Variants in PSMD5 observed in about 807,000 individuals in gnomAD.
PSMD5 encodes the protein 26S proteasome non-ATPase regulatory subunit 5.
PSMD5 carries 40 observed loss-of-function variants against 52.1 expected under a neutral mutation model. The ratio of observed to expected loss-of-function variants is 0.77; its 90% CI spans 0.60 to 1.00. PSMD5 has a LOEUF of 1.00. Ranked by LOEUF, PSMD5 falls within the 50% of genes least tolerant of loss-of-function variation. PSMD5 has a pLI of 0.00. For synonymous variants in PSMD5, 211 were observed against 226.6 expected, an observed-to-expected ratio of 0.93 and a Z score of 0.62; for missense variants, 575 against 605.2, an observed-to-expected ratio of 0.95 and a Z score of 0.52.
Position 120,842,771 on chromosome 9 carries a change from C to A in PSMD5, c.139G>T (p.Gly47Cys). The A allele has an allele frequency of 6.2e-7, 1 of 1,613,192 alleles. No homozygotes were observed. Among genetic ancestry groups the A allele is most frequent in the Admixed American group, 1.7e-5 (1 of 60,032 alleles). ...TCGTTAAGCAGGGAGAAGAGCGGGC[C>A]GAGGCGCAGCTCCGCCGCTTGCTGG... ...LRQQAAELRL[G>C]PLFSLLNENH... is the part of the protein sequence containing the mutation. The change falls in exon 1 of 10, where the codon GGC becomes TGC. Residue 47 changes from glycine (G) to cysteine (C), a missense_variant. Gly to Cys is a radical substitution (Grantham distance 159). Coordinates refer to ENST00000210313, the MANE Select transcript of PSMD5 (RefSeq NM_005047.4).
Position 120,824,616 on chromosome 9 carries a change from ATAGGATAACG to A in PSMD5, c.874_883del (p.Arg292SerfsTer9). 6.2e-7 allele frequency: 1 copy of A among 1,614,188 alleles called. No individual in the cohort carries two copies. Among genetic ancestry groups the A allele is most frequent in the Non-Finnish European group, 8.5e-7 (1 of 1,180,036 alleles). On this transcript the variant is annotated frameshift_variant, in exon 7 of 10. Transcript: ENST00000210313. LOFTEE classifies it high-confidence loss of function. Reference sequence around the variant, plus strand: ...CATTTCAAAGACTTTTTCCACAAAGATAGGATAACGCTCACAGATCTGTTGAGGACTATCC... The same window carrying A: ...CATTTCAAAGACTTTTTCCACAAAGACTCACAGATCTGTTGAGGACTATCC...
Position 120,818,122 on chromosome 9 carries a change from G to A in PSMD5, c.1299C>T (p.Asn433=). 6.2e-7 allele frequency: 1 copy of A among 1,614,066 alleles called. No homozygotes were observed. Among genetic ancestry groups the A allele is most frequent in the Non-Finnish European group, 8.5e-7 (1 of 1,179,952 alleles). Residue 433 remains asparagine, a synonymous_variant, in exon 10 of 10, where the codon AAC becomes AAT. Coordinates refer to ENST00000210313, the MANE Select transcript of PSMD5 (RefSeq NM_005047.4). Reference sequence around the variant, plus strand: ...CCACATATTCTACAAAACCTGGACTGTTAAACATAAGTTTCTGAGCCCAGG... The same window carrying A: ...CCACATATTCTACAAAACCTGGACTATTAAACATAAGTTTCTGAGCCCAGG... ...NQPWAQKLMF[N]SPGFVEYVVD... is the part of the protein sequence containing the mutation.
intron 9 of PSMD5, among the ~76,000 whole-genome samples, chr9:120,819,212 G>A (rs1414270845): frequency 6.6e-6 from 1 of 152,178 alleles, no homozygotes; most frequent in Non-Finnish European, 1.5e-5. Context: ...CCACAGACAA[G>A]TAGCATCAGC....
Position 120,829,088 on chromosome 9 carries a change from A to C in PSMD5, c.671+11T>G. 6.5e-7 allele frequency: 1 copy of C among 1,547,010 alleles called. No homozygotes were observed. The highest frequency in any genetic ancestry group is 8.7e-7 in the Non-Finnish European group (1 of 1,146,738). On this transcript the variant is annotated intron_variant, in intron 5 of 9. Transcript: ENST00000210313. ...AGAGGATATTTCACTTTAAGAACTC[A>C]GTCAACACACCTGACCAACACATCC...
intron 7 of PSMD5, 97 bp downstream of exon 7, chr9:120,824,397 G>A: frequency 8.4e-7 from 1 of 1,194,152 alleles, no homozygotes; most frequent in Non-Finnish European, 1.2e-6. Flanking sequence ...CCATAAAATA[G>A]TTTCTACAAT....
rs1422837982 is a variant in PSMD5, at chr9:120,831,823, T to C, written c.432+9A>G. The stretch of plus-strand genomic sequence containing the variant: ...TGCACATTTAAGTCAATGATTCTAG[T>C]AGACTCACCGCTTTTGCTACAGATA... On this transcript the variant is annotated intron_variant, in intron 3 of 9. Transcript: ENST00000210313. 1.2e-6 allele frequency: 2 copies of C among 1,610,870 alleles called. No individual in the cohort carries two copies. Among genetic ancestry groups the C allele is most frequent in the Admixed American group, 1.7e-5 (1 of 59,404 alleles).
At chr9:120,828,460 T>TC (rs1181523311) in intron 5 of PSMD5, among the ~76,000 whole-genome samples, 1 of 151,348 alleles carries the variant, frequency 6.6e-6, no homozygotes, top group Non-Finnish European at 1.5e-5. Flanking sequence ...TTTTTTTTTT[T>TC]TGAGACAGAG....
At chr9:120,841,258 T>C (rs1042534193) in intron 1 of PSMD5, among the ~76,000 whole-genome samples, 1 of 152,180 alleles carries the variant, frequency 6.6e-6, no homozygotes, top group Non-Finnish European at 1.5e-5. Context: ...TAGATTGATA[T>C]ACCCTGCGAT....
chr9:120,821,119 T>G, intron 8 of PSMD5, 140 bp from the exon 9 acceptor site: 1 of 1,060,554 alleles, frequency 9.4e-7, no homozygotes, highest in South Asian at 1.8e-5. Flanking sequence ...GGAGGACTCT[T>G]TCTCAAATCC....
In PSMD5 at chr9:120,817,842, G is replaced by A. The variant is rs2045053601; in HGVS notation, c.*64C>T. 6.7e-7 allele frequency: 1 copy of A among 1,481,566 alleles called. No homozygotes were observed. Among genetic ancestry groups the A allele is most frequent in the African/African-American group, 1.4e-5 (1 of 71,074 alleles). 91.8% of individuals were successfully genotyped at this position (1,481,566 alleles called of 1,614,324 possible). A position where few individuals can be genotyped will look rare whatever the true frequency, so the allele number is the denominator to read the frequency against. ...AAGTCTCTTTTGTGAAATATAGATG[G>A]AGTCAAATGCCTTAGGAGAAGTTTT... On this transcript the variant is annotated 3_prime_UTR_variant, in exon 10 of 10. Coordinates refer to ENST00000210313, the MANE Select transcript of PSMD5 (RefSeq NM_005047.4).
intron 7 of PSMD5, 164 bp downstream of exon 7, chr9:120,824,320 AGGTTTTCCGT>A: frequency 1.6e-6 from 1 of 629,600 alleles, no homozygotes. Flanking sequence ...AAAAAAAAAA[AGGTTTTCCGT>A]AATAATTATT....
At chr9:120,828,988 T>G (rs947660934) in intron 5 of PSMD5, 111 bp downstream of exon 5, 279 of 1,328,372 alleles carry the variant, frequency 2.1e-4, no homozygotes, top group Non-Finnish European at 2.4e-4. Flanking sequence ...ACATCAGTCA[T>G]GAGATTGCAA....
At chr9:120,839,348 C>A (rs1185387458) in intron 1 of PSMD5, among the ~76,000 whole-genome samples, 1 of 152,160 alleles carries the variant, frequency 6.6e-6, no homozygotes, top group Admixed American at 6.5e-5. Context: ...CACCAGCTGA[C>A]TCGAGATGTA....
At chr9:120,826,136 C>T (rs1156686963) in intron 6 of PSMD5, among the ~76,000 whole-genome samples, 6 of 151,744 alleles carry the variant, frequency 4.0e-5, no homozygotes, top group South Asian at 2.1e-4. Flanking sequence ...CTGGGACTAC[C>T]GGCACCCACC....
chr9:120,819,305 T>C (rs1337875802), intron 9 of PSMD5, among the ~76,000 whole-genome samples: 1 of 152,134 alleles, frequency 6.6e-6, no homozygotes, highest in African/African-American at 2.4e-5. Context: ...TTAATAAGAT[T>C]CCTAAGATTA....
At chr9:120,831,757 T>C in intron 3 of PSMD5, 75 bp downstream of exon 3, 2 of 1,541,428 alleles carry the variant, frequency 1.3e-6, no homozygotes, top group South Asian at 1.2e-5. Context: ...CACCTCTCAA[T>C]TCAGAAGGCC....
At position 120,842,799 on chromosome 9, in the gene PSMD5, A is replaced by G; in HGVS notation, c.111T>C (p.Leu37=). Residue 37 remains leucine (L), a synonymous_variant, in exon 1 of 10, where the codon CTT becomes CTC. Coordinates refer to ENST00000210313, the MANE Select transcript of PSMD5 (RefSeq NM_005047.4). ...SVLQAVPLNE[L]RQQAAELRLG... ...GGCGCAGCTCCGCCGCTTGCTGGCG[A>G]AGCTCGTTGAGCGGCACTGCCTGCA... 1 of 1,612,652 alleles carries G rather than the reference A, an allele frequency of 6.2e-7. No individual in the cohort carries two copies. Among genetic ancestry groups the G allele is most frequent in the Non-Finnish European group, 8.5e-7 (1 of 1,179,936 alleles).
intron 1 of PSMD5, among the ~76,000 whole-genome samples, chr9:120,835,912 T>A (rs530610277): frequency 6.6e-6 from 1 of 152,200 alleles, no homozygotes; most frequent in African/African-American, 2.4e-5. Flanking sequence ...TGGGAATAAG[T>A]ACATTCACTT....
intron 1 of PSMD5, among the ~76,000 whole-genome samples, chr9:120,837,889 A>G (rs1421555927): frequency 6.6e-6 from 1 of 152,262 alleles, no homozygotes; most frequent in Non-Finnish European, 1.5e-5. Context: ...TGGATAAAAA[A>G]CTGTAGTACA....
Sources: allele counts gnomAD v4.1 joint callset (sites outside exome capture counted in the v4.1 genomes callset), GRCh38; gene constraint gnomAD v4.1.1; transcripts MANE v1.5; gene names NCBI Gene and HGNC (gene_info 2026-07-23, HGNC 2026-07-21).